PADI3: variants seen among roughly 807,000 people sequenced by gnomAD.
PADI3 encodes the protein peptidyl arginine deiminase 3.
PADI3 carries 53 observed loss-of-function variants against 71.5 expected under a neutral mutation model. That is an observed-to-expected ratio of 0.74 (90% CI 0.59 to 0.93). PADI3 has a LOEUF of 0.93. Among genes scored for constraint, PADI3 ranks in the 40% least tolerant of loss-of-function variants. The pLI is 0.00. For synonymous variants in PADI3, 361 were observed against 347.5 expected, an observed-to-expected ratio of 1.04 and a Z score of -0.43; for missense variants, 821 against 868.0, an observed-to-expected ratio of 0.95 and a Z score of 0.68.
chr1:17,280,346 A>G lies in PADI3; in HGVS notation c.1556-4A>G, dbSNP rs2100604767. ...TCCTTCTCTTTCATCTCTCTCCTTC[A>G]CAGATGATGAGCAGGTCAAGACCAT... On this transcript the variant is annotated splice_region_variant and splice_polypyrimidine_tract_variant and intron_variant, in intron 13 of 15. Transcript: ENST00000375460. 3 of 1,611,698 alleles carry G rather than the reference A, an allele frequency of 1.9e-6. No individual in the cohort carries two copies. Among genetic ancestry groups the G allele is most frequent in the Non-Finnish European group, 2.5e-6 (3 of 1,177,858 alleles).
Position 17,259,559 on chromosome 1 carries a change from G to A in PADI3, c.93-19G>A. 1.3e-6 allele frequency: 2 copies of A among 1,560,692 alleles called. No individual in the cohort carries two copies. The highest frequency in any genetic ancestry group is 2.3e-5 in the East Asian group (1 of 43,402). ...ATATATCTCCTTCGGCACCGACCAT[G>A]GCTCTCTGCCCTGCCCAGGTCAGTG... is the stretch of plus-strand genomic sequence containing the variant. On this transcript the variant is annotated intron_variant, in intron 1 of 15. Transcript: ENST00000375460.
intron 13 of PADI3, among the ~76,000 whole-genome samples, chr1:17,277,524 G>T (rs2073350774): frequency 6.6e-6 from 1 of 152,210 alleles, no homozygotes; most frequent in Non-Finnish European, 1.5e-5. Flanking sequence ...GTTTTGTGAG[G>T]TCTGATGGAT....
rs1318343145 is a variant in PADI3 at position 17,262,170 on chromosome 1, C to T, written c.311C>T (p.Pro104Leu). ...TACCACTCCAGCCATGAGCCTCTGC[C>T]CCTGGCCTATGCGGTGCTCTACCTC... is the stretch of plus-strand genomic sequence containing the variant. The part of the protein sequence containing the change: ...ISYHSSHEPL[P>L]LAYAVLYLTC... The change falls in exon 3 of 16, where the codon CCC (proline) becomes CTC (leucine). Residue 104 changes from proline (P) to leucine (L), a missense_variant. Pro to Leu is a moderately conservative substitution (Grantham distance 98). Transcript: ENST00000375460. The T allele has an allele frequency of 6.2e-7, 1 of 1,613,424 alleles. No individual in the cohort carries two copies. The highest frequency in any genetic ancestry group is 8.5e-7 in the Non-Finnish European group (1 of 1,179,868).
rs2977300 is a variant in PADI3 at position 17,283,971 on chromosome 1, A to C, written c.*892A>C. 0.41 allele frequency: 62,722 copies of C among 151,806 alleles called. 13,572 individuals carry two copies. The highest frequency in any genetic ancestry group is 0.54 in the African/African-American group (22,410 of 41,358). 9.4% of individuals were successfully genotyped at this position (151,806 alleles called of 1,614,324 possible). Reference sequence around the variant, plus strand: ...GGACTTCTCTCTGCAGGAGGAGAGAACGCTGCCTCTCCTCTGGATTGGTCT... The same window carrying C: ...GGACTTCTCTCTGCAGGAGGAGAGACCGCTGCCTCTCCTCTGGATTGGTCT... On this transcript the variant is annotated 3_prime_UTR_variant, in exon 16 of 16. Coordinates refer to ENST00000375460, the MANE Select transcript of PADI3 (RefSeq NM_016233.2).
intron 1 of PADI3, among the ~76,000 whole-genome samples, chr1:17,253,806 C>T (rs1326565483): frequency 2.6e-5 from 4 of 152,284 alleles, no homozygotes; most frequent in Admixed American, 6.5e-5. Flanking sequence ...AAGTTTTGGT[C>T]CTAGTTCTGT....
chr1:17,283,091 C>T lies in PADI3; in HGVS notation c.*12C>T, dbSNP rs199870470. The T allele has an allele frequency of 3.1e-6, 5 of 1,603,916 alleles. No individual in the cohort carries two copies. The highest frequency in any genetic ancestry group is 2.2e-5 in the South Asian group (2 of 90,780). On this transcript the variant is annotated 3_prime_UTR_variant, in exon 16 of 16. Coordinates refer to ENST00000375460, the MANE Select transcript of PADI3 (RefSeq NM_016233.2). ...ACATGGTGCCCTGAGACAGCTCCCA[C>T]CCACCATCCTGTCCCCCTGGGGCGG...
In PADI3 at chr1:17,270,272, G is replaced by A. The variant is rs954866357; in HGVS notation, c.692G>A (p.Gly231Asp). The change falls in exon 7 of 16, where the codon GGC becomes GAC. Residue 231 changes from glycine to aspartate, a missense_variant. Coordinates refer to ENST00000375460, the MANE Select transcript of PADI3 (RefSeq NM_016233.2). ...TGTGAGGCCTATAGGCATGTGCTGGGCCAAGATAAGGTGTCCTATGAGGTA... is the reference window on the plus strand; with the variant it reads ...TGTGAGGCCTATAGGCATGTGCTGGACCAAGATAAGGTGTCCTATGAGGTA... ...DVCEAYRHVL[G>D]QDKVSYEVPR... is the part of the protein sequence containing the mutation. The A allele has an allele frequency of 7.4e-6, 12 of 1,613,806 alleles. No individual in the cohort carries two copies. Among genetic ancestry groups the A allele is most frequent in the African/African-American group, 1.3e-5 (1 of 75,002 alleles).
chr1:17,281,592 G>T (rs755749246), intron 15 of PADI3, among the ~76,000 whole-genome samples: 14 of 152,044 alleles, frequency 9.2e-5, no homozygotes, highest in Non-Finnish European at 1.8e-4. Context: ...TTGTGGGATT[G>T]CAGGCGTGCA....
Position 17,283,427 on chromosome 1 carries a change from A to C in PADI3, c.*348A>C. 1.2e-5 allele frequency: 3 copies of C among 246,718 alleles called. No homozygotes were observed. The highest frequency in any genetic ancestry group is 1.6e-5 in the Non-Finnish European group (2 of 125,408). 15.3% of individuals were successfully genotyped at this position (246,718 alleles called of 1,614,324 possible). On this transcript the variant is annotated 3_prime_UTR_variant, in exon 16 of 16. Transcript: ENST00000375460. ...GGGTCTAGAAACATCCACGTATCTC[A>C]TCAGCCATCTTGTCCTGTGCATCCT...
Position 17,249,130 on chromosome 1 carries a change from A to G in PADI3, c.-8A>G, listed in dbSNP as rs1451096767. On this transcript the variant is annotated 5_prime_UTR_variant, in exon 1 of 16. Coordinates refer to ENST00000375460, the MANE Select transcript of PADI3 (RefSeq NM_016233.2). ...GGGTTGGCGGCCACAGCTAAGTCCA[A>G]CACCAGCATGTCGCTGCAGAGAATC... 2 of 1,613,706 alleles carry G rather than the reference A, an allele frequency of 1.2e-6. No homozygotes were observed. The highest frequency in any genetic ancestry group is 1.6e-4 in the Middle Eastern group (1 of 6,084).
chr1:17,266,223 T>G (rs114165942), intron 4 of PADI3, among the ~76,000 whole-genome samples: 2,539 of 152,256 alleles, frequency 0.017, 75 homozygotes, highest in African/African-American at 0.057. Context: ...AAACCAAATA[T>G]GAAACTGTTG....
chr1:17,281,450 C>CTTTT (rs71014927), intron 15 of PADI3, among the ~76,000 whole-genome samples: 1 of 141,990 alleles, frequency 7.0e-6, no homozygotes, highest in Admixed American at 7.0e-5. Flanking sequence ...TTCTTTTTTT[C>CTTTT]TTTTTTTTTT....
chr1:17,262,004 C>A (rs1414000082), intron 2 of PADI3, 129 bp from the exon 3 acceptor site: 2 of 727,016 alleles, frequency 2.8e-6, no homozygotes, highest in Non-Finnish European at 4.7e-6. Context: ...ATAAATGGCA[C>A]AGAGGAGGTT....
Position 17,274,600 on chromosome 1 carries a change from C to T in PADI3, c.1156-35C>T, listed in dbSNP as rs371404280. The T allele has an allele frequency of 5.1e-6, 8 of 1,583,372 alleles. No homozygotes were observed. In the African/African-American group the frequency reaches 1.1e-4, roughly 21 times the overall value. ...AGTTGGTTCAGGCCCTTCCTGGTACCCTCCACCCCCGCCTGACTTGGTTTC... is the reference window on the plus strand; with the variant it reads ...AGTTGGTTCAGGCCCTTCCTGGTACTCTCCACCCCCGCCTGACTTGGTTTC... On this transcript the variant is annotated intron_variant, in intron 10 of 15. Coordinates refer to ENST00000375460, the MANE Select transcript of PADI3 (RefSeq NM_016233.2).
At position 17,283,631 on chromosome 1, in the gene PADI3, C is replaced by G. The variant is rs1332430659; in HGVS notation, c.*552C>G. The G allele has an allele frequency of 1.3e-5, 2 of 152,814 alleles. No homozygotes were observed. Among genetic ancestry groups the G allele is most frequent in the Admixed American group, 6.5e-5 (1 of 15,344 alleles). 9.5% of individuals were successfully genotyped at this position (152,814 alleles called of 1,614,324 possible). A position where few individuals can be genotyped will look rare whatever the true frequency, so the allele number is the denominator to read the frequency against. ...AGGGCGGAACCATCTTTCACCCGGCCAAGCTCCTGCCCAGATGTTGACCCT... is the reference window on the plus strand; with the variant it reads ...AGGGCGGAACCATCTTTCACCCGGCGAAGCTCCTGCCCAGATGTTGACCCT... On this transcript the variant is annotated 3_prime_UTR_variant, in exon 16 of 16. Transcript: ENST00000375460.
chr1:17,272,371 G>C (rs2073266958), intron 9 of PADI3, among the ~76,000 whole-genome samples: 1 of 152,242 alleles, frequency 6.6e-6, no homozygotes, highest in South Asian at 2.1e-4. Flanking sequence ...GGTCAGTCCA[G>C]TGAGAGGGTT....
chr1:17,249,117 A>C lies in PADI3; in HGVS notation c.-21A>C. 6.2e-7 allele frequency: 1 copy of C among 1,610,178 alleles called. No homozygotes were observed. The highest frequency in any genetic ancestry group is 8.5e-7 in the Non-Finnish European group (1 of 1,176,446). Reference sequence around the variant, plus strand: ...AGGGGCAGTGTTGGGGTTGGCGGCCACAGCTAAGTCCAACACCAGCATGTC... The same window carrying C: ...AGGGGCAGTGTTGGGGTTGGCGGCCCCAGCTAAGTCCAACACCAGCATGTC... On this transcript the variant is annotated 5_prime_UTR_variant, in exon 1 of 16. Coordinates refer to ENST00000375460, the MANE Select transcript of PADI3 (RefSeq NM_016233.2).
At chr1:17,273,127 G>A (rs2073277926) in intron 9 of PADI3, among the ~76,000 whole-genome samples, 1 of 152,162 alleles carries the variant, frequency 6.6e-6, no homozygotes, top group Non-Finnish European at 1.5e-5. Flanking sequence ...GTCTTGCTGT[G>A]TGACCTTAGA....
intron 11 of PADI3, among the ~76,000 whole-genome samples, chr1:17,275,367 G>A (rs1204968910): frequency 1.3e-5 from 2 of 150,548 alleles, no homozygotes; most frequent in African/African-American, 4.9e-5. Context: ...AACCCAGGAG[G>A]TGGAGCTTGC....
Sources: gnomAD v4.1 joint callset for allele counts (sites outside exome capture counted in the v4.1 genomes callset) on GRCh38, gnomAD v4.1.1 for gene constraint, MANE v1.5 for transcripts, NCBI Gene and HGNC (gene_info 2026-07-23, HGNC 2026-07-21) for gene names.